The following USP9Y variants were observed in gnomAD, a reference collection of about 807,000 sequenced individuals.
USP9Y encodes the protein ubiquitin carboxyl-terminal hydrolase 9Y.
A neutral mutation model predicts 53.1 loss-of-function variants in USP9Y; 41 were observed. That is an observed-to-expected ratio of 0.77 (90% CI 0.60 to 1.00). The LOEUF (loss-of-function observed/expected upper bound fraction) is 1.00. Ranked by LOEUF, USP9Y falls within the 50% of genes least tolerant of loss-of-function variation. The probability of loss-of-function intolerance (pLI) is 0.00; values close to 1 mark genes in which losing one functional copy is unlikely to be tolerated. For synonymous variants in USP9Y, 220 were observed against 173.7 expected, an observed-to-expected ratio of 1.27 and a Z score of -2.09; for missense variants, 567 against 535.8, an observed-to-expected ratio of 1.06 and a Z score of -0.58.
Position 12,791,521 on chromosome Y carries a change from T to G in USP9Y, c.3710T>G (p.Ile1237Ser). The change falls in exon 26 of 46, where the codon ATT becomes AGT. Residue 1237 changes from isoleucine to serine, a missense_variant. Coordinates refer to ENST00000338981, the MANE Select transcript of USP9Y (RefSeq NM_004654.4). ...CAGGCTTCAAGATATATGCCTGATA[T>G]TTGTGTAATTAGGGCTATACAGAAA... Reference protein sequence around the residue: ...SNEASRYMPDICVIRAIQKII... With the variant: ...SNEASRYMPDSCVIRAIQKII... 6 of 393,386 alleles carry G rather than the reference T, an allele frequency of 1.5e-5. No individual in the cohort carries two copies. In the Admixed American group the frequency reaches 2.3e-4, roughly 15 times the overall value.
In USP9Y at chrY:12,859,283, A is replaced by C; in HGVS notation, c.7535A>C (p.Asn2512Thr). 1 of 397,943 alleles carries C rather than the reference A, an allele frequency of 2.5e-6. No individual in the cohort carries two copies. Among genetic ancestry groups the C allele is most frequent in the South Asian group, 3.0e-5 (1 of 33,762 alleles). ...HSPASQYQQNNHVHGQPYTGP... is the reference protein window; with the variant it reads ...HSPASQYQQNTHVHGQPYTGP... Reference sequence around the variant, plus strand: ...TGGTCTCTTTCACCCTCTTAGAATAATCATGTACATGGACAGCCATATACA... The same window carrying C: ...TGGTCTCTTTCACCCTCTTAGAATACTCATGTACATGGACAGCCATATACA... Residue 2512 changes from asparagine to threonine, a missense_variant, in exon 46 of 46, where the codon AAT (asparagine) becomes ACT (threonine). By Grantham distance (65) the Asn-to-Thr change is moderately conservative (BLOSUM62 0). Transcript: ENST00000338981.
chrY:12,772,978 G>A (rs867814497), intron 16 of USP9Y, among the ~76,000 whole-genome samples: 6 of 32,683 alleles, frequency 1.8e-4, no homozygotes, highest in South Asian at 1.4e-3. Flanking sequence ...GAAAGTGGAA[G>A]CCAACCAAAT....
At chrY:12,763,785 G>A (rs2053477852) in intron 15 of USP9Y, among the ~76,000 whole-genome samples, 1 of 24,956 alleles carries the variant, frequency 4.0e-5, no homozygotes, top group South Asian at 1.0e-3. Flanking sequence ...TGATTCTCCT[G>A]TCTCAGCCTC....
At chrY:12,726,964 T>G in intron 7 of USP9Y, among the ~76,000 whole-genome samples, 171 bp downstream of exon 7, 1 of 33,744 alleles carries the variant, frequency 3.0e-5, no homozygotes, top group Non-Finnish European at 7.3e-5. Flanking sequence ...AACCTTGAAC[T>G]CATGGTCAAT....
chrY:12,751,968 C>A, intron 12 of USP9Y, among the ~76,000 whole-genome samples: 1 of 33,214 alleles, frequency 3.0e-5, no homozygotes, highest in Non-Finnish European at 7.4e-5. Context: ...CTTCATTGAT[C>A]TTTGTTCCTG....
chrY:12,773,424 A>T (rs936550518), intron 16 of USP9Y, among the ~76,000 whole-genome samples, 159 bp from the exon 17 acceptor site: 6 of 33,745 alleles, frequency 1.8e-4, no homozygotes, highest in Non-Finnish European at 4.4e-4. Context: ...CACATTTTAA[A>T]TTCCAGATAT....
chrY:12,752,194 G>T, intron 12 of USP9Y, among the ~76,000 whole-genome samples: 1 of 33,038 alleles, frequency 3.0e-5, no homozygotes, highest in African/African-American at 1.2e-4. Context: ...CTGTATATCG[G>T]TTTGGGGAGA....
chrY:12,787,161 G>A (rs2053503215), intron 24 of USP9Y, among the ~76,000 whole-genome samples: 1 of 33,732 alleles, frequency 3.0e-5, no homozygotes, highest in Admixed American at 2.7e-4. Context: ...TAATTGCCAT[G>A]CAGCAAACCT....
At chrY:12,818,342 T>C in intron 32 of USP9Y, 78 bp from the exon 33 acceptor site, 1 of 265,723 alleles carries the variant, frequency 3.8e-6, no homozygotes, top group Admixed American at 8.4e-5. Flanking sequence ...ATTTACTAAC[T>C]TCTGGTATTT....
At chrY:12,806,026 T>A in intron 27 of USP9Y, among the ~76,000 whole-genome samples, 1 of 33,435 alleles carries the variant, frequency 3.0e-5, no homozygotes, top group Non-Finnish European at 7.4e-5. Flanking sequence ...TTTACCTACT[T>A]ATTTTCTGCC....
At chrY:12,832,130 TAAG>T (rs2053551340) in intron 33 of USP9Y, among the ~76,000 whole-genome samples, 1 of 32,907 alleles carries the variant, frequency 3.0e-5, no homozygotes, top group African/African-American at 1.2e-4. Flanking sequence ...AGGTTGTCAA[TAAG>T]AAGTTTTTAG....
At chrY:12,740,996 A>G (rs916206892) in intron 12 of USP9Y, among the ~76,000 whole-genome samples, 3 of 32,452 alleles carry the variant, frequency 9.2e-5, no homozygotes, top group Non-Finnish European at 2.3e-4. Context: ...GGTGGCTCAC[A>G]TGAGGTCAGG....
At chrY:12,739,758 T>C in intron 12 of USP9Y, 129 bp downstream of exon 12, 1 of 123,099 alleles carries the variant, frequency 8.1e-6, no homozygotes, top group Non-Finnish European at 1.5e-5. Flanking sequence ...TGGAAGAATC[T>C]CTGATGAAAA....
chrY:12,730,813 T>C (rs951818522), intron 7 of USP9Y, among the ~76,000 whole-genome samples: 76 of 33,339 alleles, frequency 2.3e-3, no homozygotes, highest in Non-Finnish European at 9.6e-4. Context: ...GTAGACAGTT[T>C]ATCTTGGATT....
At chrY:12,798,382 G>A in intron 27 of USP9Y, among the ~76,000 whole-genome samples, 1 of 33,505 alleles carries the variant, frequency 3.0e-5, no homozygotes, top group Admixed American at 2.7e-4. Flanking sequence ...GAGGGATGGA[G>A]TTTTTCACTT....
chrY:12,747,597 T>C (rs2053461494), intron 12 of USP9Y, among the ~76,000 whole-genome samples: 1 of 34,364 alleles, frequency 2.9e-5, no homozygotes, highest in African/African-American at 1.1e-4. Context: ...AAAAATTCTT[T>C]TTCATTAATT....
At chrY:12,726,082 C>A (rs755293593) in intron 6 of USP9Y, among the ~76,000 whole-genome samples, 1 of 33,875 alleles carries the variant, frequency 3.0e-5, no homozygotes, top group East Asian at 7.7e-4. Context: ...CAAATATATA[C>A]TTTTTGATGA....
Position 12,859,407 on chromosome Y carries a change from G to C in USP9Y, c.7659G>C (p.Lys2553Asn). ...AAGAAGTATCCTCACCTCAGATGAA[G>C]GATCAGTGAAAAGCAATAATTAACT... is the stretch of plus-strand genomic sequence containing the variant. ...GNEEVSSPQMKDQ is the reference protein window; with the variant it reads ...GNEEVSSPQMNDQ The change falls in exon 46 of 46, where the codon AAG becomes AAC. Residue 2553 changes from lysine to asparagine, a missense_variant. By Grantham distance (94) the Lys-to-Asn change is moderately conservative. Coordinates refer to ENST00000338981, the MANE Select transcript of USP9Y (RefSeq NM_004654.4). 5.1e-6 allele frequency: 2 copies of C among 395,539 alleles called. No individual in the cohort carries two copies.
intron 45 of USP9Y, among the ~76,000 whole-genome samples, chrY:12,858,975 A>G (rs2053580432): frequency 9.0e-5 from 3 of 33,338 alleles, no homozygotes; most frequent in Admixed American, 2.7e-4. Flanking sequence ...GCCTCCCAAA[A>G]TGCTGGGATT....
Sources: allele counts gnomAD v4.1 joint callset (sites outside exome capture counted in the v4.1 genomes callset), GRCh38; gene constraint gnomAD v4.1.1; transcripts MANE v1.5; gene names NCBI Gene and HGNC (gene_info 2026-07-23, HGNC 2026-07-21).